The following AQR variants were observed in gnomAD, a reference collection of about 807,000 sequenced individuals.
AQR encodes RNA helicase aquarius.
AQR carries 61 observed loss-of-function variants against 180.5 expected under a neutral mutation model. That is an observed-to-expected ratio of 0.34 (90% CI 0.28 to 0.42). The LOEUF is 0.42. AQR is among the 10% of genes least tolerant of loss of function. The pLI is 1.00. For missense variants in AQR, 1,281 were observed against 1,798.3 expected (o/e 0.71, Z 5.20); for synonymous variants, 551 against 588.8 (o/e 0.94, Z 0.93).
At chr15:34,904,222 C>T in intron 19 of AQR, 114 bp downstream of exon 19, 1 of 624,726 alleles carries the variant, frequency 1.6e-6, no homozygotes, top group Non-Finnish European at 2.4e-6. Flanking sequence ...AAAATAAAAG[C>T]AGTCATTATT....
intron 5 of AQR, among the ~76,000 whole-genome samples, chr15:34,946,920 C>A (rs865779006): frequency 2.0e-5 from 3 of 150,548 alleles, no homozygotes; most frequent in Non-Finnish European, 3.0e-5. Flanking sequence ...CCAGCCGCCC[C>A]ATCCGGGAGG....
At chr15:34,893,598 CGCATGCGT>C in intron 23 of AQR, 57 bp downstream of exon 23, 1 of 1,307,418 alleles carries the variant, frequency 7.6e-7, no homozygotes, top group East Asian at 2.5e-5. Context: ...CATGTGCATG[CGCATGCGT>C]GCACACACAC....
intron 27 of AQR, among the ~76,000 whole-genome samples, chr15:34,878,385 CAAA>C (rs5811839): frequency 4.8e-5 from 2 of 41,658 alleles, no homozygotes; most frequent in African/African-American, 9.4e-5. Flanking sequence ...GACTCTGTCT[CAAA>C]AAAAAAAAAA....
chr15:34,855,029 C>T lies in AQR; in HGVS notation c.*1763G>A, dbSNP rs1892569480. 1 of 152,216 alleles carries T rather than the reference C, an allele frequency of 6.6e-6. No homozygotes were observed. Among genetic ancestry groups the T allele is most frequent in the Non-Finnish European group, 1.5e-5 (1 of 68,038 alleles). 9.4% of individuals were successfully genotyped at this position (152,216 alleles called of 1,614,324 possible). On this transcript the variant is annotated 3_prime_UTR_variant, in exon 35 of 35. Coordinates refer to ENST00000156471, the MANE Select transcript of AQR (RefSeq NM_014691.3). ...TCAAAATCTTTTATCGGAGAAATTA[C>T]ATAACAGGCTATCTGGCTTGATCCT... is the stretch of plus-strand genomic sequence containing the variant.
At chr15:34,890,156 G>T (rs1357055992) in intron 24 of AQR, 59 bp downstream of exon 24, 1 of 1,413,246 alleles carries the variant, frequency 7.1e-7, no homozygotes, top group Non-Finnish European at 9.7e-7. Context: ...TTTAATAAAA[G>T]AAATGAAAAG....
chr15:34,875,865 CA>C, intron 28 of AQR, 69 bp downstream of exon 28: 1 of 1,260,586 alleles, frequency 7.9e-7, no homozygotes, highest in Non-Finnish European at 1.2e-6. Flanking sequence ...CCAAACTGTA[CA>C]ACTTTCTGAT....
rs4924301 is a variant in AQR, at chr15:34,855,548, T to C, written c.*1244A>G. 19,336 of 118,398 alleles carry C rather than the reference T, an allele frequency of 0.16. 1,616 individuals carry two copies. Among genetic ancestry groups the C allele is most frequent in the East Asian group, 0.36 (1,614 of 4,472 alleles). The allele number at this position is 118,398 out of a possible 1,614,324, so 7.3% of individuals were successfully genotyped here. Reference sequence around the variant, plus strand: ...ACATTTCCTTTTTTTTTTTTTTTTTTCCAGTTCTGGGCACCATGCCCAGGG... The same window carrying C: ...ACATTTCCTTTTTTTTTTTTTTTTTCCCAGTTCTGGGCACCATGCCCAGGG... On this transcript the variant is annotated 3_prime_UTR_variant, in exon 35 of 35. Coordinates refer to ENST00000156471, the MANE Select transcript of AQR (RefSeq NM_014691.3).
intron 2 of AQR, among the ~76,000 whole-genome samples, chr15:34,961,427 T>C (rs1418058468): frequency 6.6e-6 from 1 of 151,908 alleles, no homozygotes; most frequent in Non-Finnish European, 1.5e-5. Flanking sequence ...CTGGCCAACA[T>C]GGTGAAACCC....
intron 17 of AQR, among the ~76,000 whole-genome samples, chr15:34,908,012 T>C (rs531816149): frequency 9.8e-4 from 150 of 152,342 alleles, no homozygotes; most frequent in African/African-American, 3.4e-3. Context: ...GGAGCAAATC[T>C]GGCATTTCCA....
At chr15:34,929,739 ATTACT>A (rs1266798110) in intron 12 of AQR, among the ~76,000 whole-genome samples, 2 of 151,928 alleles carry the variant, frequency 1.3e-5, no homozygotes, top group African/African-American at 2.4e-5. Context: ...AAATAGCTGG[ATTACT>A]TTAAACAGAA....
At chr15:34,969,376 G>A (rs1029504409) in intron 1 of AQR, among the ~76,000 whole-genome samples, 163 bp downstream of exon 1, 1 of 152,148 alleles carries the variant, frequency 6.6e-6, no homozygotes, top group Non-Finnish European at 1.5e-5. Context: ...ACCTAGCATA[G>A]TGGCCGGCAC....
intron 13 of AQR, among the ~76,000 whole-genome samples, chr15:34,922,194 A>G (rs1195500940): frequency 6.6e-6 from 1 of 152,122 alleles, no homozygotes; most frequent in Non-Finnish European, 1.5e-5. Context: ...CTGTATATTT[A>G]TCTGTAGTTG....
intron 8 of AQR, among the ~76,000 whole-genome samples, chr15:34,939,088 A>T (rs916950496): frequency 3.0e-4 from 46 of 151,956 alleles, no homozygotes; most frequent in African/African-American, 1.0e-3. Context: ...TTTGTTTTTG[A>T]GGTGGAATCT....
At chr15:34,967,565 G>A (rs1337798735) in intron 1 of AQR, among the ~76,000 whole-genome samples, 1 of 152,120 alleles carries the variant, frequency 6.6e-6, no homozygotes, top group Non-Finnish European at 1.5e-5. Flanking sequence ...AGAAGGCTGA[G>A]AATGAATAAA....
intron 18 of AQR, among the ~76,000 whole-genome samples, chr15:34,904,976 C>T (rs1426806304): frequency 6.6e-6 from 1 of 151,750 alleles, no homozygotes; most frequent in Non-Finnish European, 1.5e-5. Context: ...TCTCATCCTT[C>T]CACATTCCAT....
intron 6 of AQR, among the ~76,000 whole-genome samples, chr15:34,943,721 A>G (rs1455299358): frequency 6.6e-6 from 1 of 152,308 alleles, no homozygotes; most frequent in Admixed American, 6.5e-5. Context: ...CACACAGGAA[A>G]GCTCAAATAA....
At chr15:34,915,667 C>T (rs1446302490) in intron 15 of AQR, among the ~76,000 whole-genome samples, 3 of 151,684 alleles carry the variant, frequency 2.0e-5, no homozygotes, top group Admixed American at 6.6e-5. Flanking sequence ...GGGGTGAGGC[C>T]GGGCACGGTG....
intron 24 of AQR, 77 bp downstream of exon 24, chr15:34,890,138 T>G: frequency 7.7e-7 from 1 of 1,305,118 alleles, no homozygotes; most frequent in Non-Finnish European, 1.1e-6. Context: ...TTCATTGCTT[T>G]CTTCTTCTTT....
chr15:34,931,240 GCT>G (rs1179971658), intron 11 of AQR, among the ~76,000 whole-genome samples: 1 of 152,076 alleles, frequency 6.6e-6, no homozygotes, highest in African/African-American at 2.4e-5. Flanking sequence ...TGCTAACGAG[GCT>G]CTGATGTCTC....
Sources: gnomAD v4.1 joint callset for allele counts (sites outside exome capture counted in the v4.1 genomes callset) on GRCh38, gnomAD v4.1.1 for gene constraint, MANE v1.5 for transcripts, NCBI Gene and HGNC (gene_info 2026-07-23, HGNC 2026-07-21) for gene names.